Variants in TMEM132D observed in about 807,000 individuals in gnomAD.
TMEM132D encodes the protein mature OL transmembrane protein.
In TMEM132D, 21 loss-of-function variants were observed where a neutral mutation model predicts 62.3. The ratio of observed to expected loss-of-function variants is 0.34; its 90% confidence interval spans 0.24 to 0.49. The LOEUF is 0.49. Among genes scored for constraint, TMEM132D ranks in the 20% least tolerant of loss-of-function variants. The pLI, the probability that TMEM132D is intolerant of heterozygous loss-of-function variation, is 0.99. For missense variants in TMEM132D, 1,346 were observed against 1,402.8 expected, an observed-to-expected ratio of 0.96 and a Z score of 0.65; for synonymous variants, 621 against 575.6, an observed-to-expected ratio of 1.08 and a Z score of -1.13.
chr12:129,139,197 G>T (rs970718175), intron 5 of TMEM132D, among the ~76,000 whole-genome samples: 8 of 152,096 alleles, frequency 5.3e-5, no homozygotes, highest in African/African-American at 1.9e-4. Context: ...AGCAAGTGAT[G>T]GGCTGCCTGA....
At chr12:129,592,651 A>G (rs1208467862) in intron 2 of TMEM132D, among the ~76,000 whole-genome samples, 9 of 152,240 alleles carry the variant, frequency 5.9e-5, no homozygotes, top group Non-Finnish European at 1.0e-4. Flanking sequence ...TACATATTCA[A>G]AAGAATGAGC....
chr12:129,729,533 T>A (rs1468680237), intron 1 of TMEM132D, among the ~76,000 whole-genome samples: 1 of 151,982 alleles, frequency 6.6e-6, no homozygotes, highest in Non-Finnish European at 1.5e-5. Flanking sequence ...TGGAATACCT[T>A]TTTTTCTTTC....
chr12:129,863,507 T>G (rs1873963012), intron 1 of TMEM132D, among the ~76,000 whole-genome samples: 1 of 152,234 alleles, frequency 6.6e-6, no homozygotes, highest in South Asian at 2.1e-4. Context: ...TTCTACCTTA[T>G]AATGATGCTT....
intron 3 of TMEM132D, among the ~76,000 whole-genome samples, chr12:129,454,104 A>G (rs1873387277): frequency 6.6e-6 from 1 of 152,242 alleles, no homozygotes; most frequent in Non-Finnish European, 1.5e-5. Context: ...CCTTCTGCCC[A>G]GAATTTAATT....
intron 3 of TMEM132D, among the ~76,000 whole-genome samples, chr12:129,466,279 C>CT (rs551019541): frequency 2.0e-5 from 2 of 100,394 alleles, no homozygotes; most frequent in African/African-American, 7.6e-5. Context: ...TAGATTTTTC[C>CT]TTTTTTTTTT....
At chr12:129,464,106 T>G in intron 3 of TMEM132D, among the ~76,000 whole-genome samples, 1 of 149,554 alleles carries the variant, frequency 6.7e-6, no homozygotes, top group Non-Finnish European at 1.5e-5. Context: ...GTAAAAGTGT[T>G]CCTATTTCTC....
chr12:129,432,287 A>T (rs1291734019), intron 3 of TMEM132D, among the ~76,000 whole-genome samples: 1 of 34,334 alleles, frequency 2.9e-5, no homozygotes, highest in Non-Finnish European at 5.4e-5. Context: ...CAATGGATGG[A>T]TGCTTGGATG....
intron 4 of TMEM132D, among the ~76,000 whole-genome samples, chr12:129,216,999 TTG>T (rs1879223638): frequency 6.6e-6 from 1 of 152,128 alleles, no homozygotes; most frequent in Admixed American, 6.6e-5. Context: ...ACATTTTTTG[TTG>T]TTGTTGTTGT....
At chr12:129,218,855 G>C (rs1221012882) in intron 4 of TMEM132D, among the ~76,000 whole-genome samples, 34 of 152,146 alleles carry the variant, frequency 2.2e-4, no homozygotes, top group Admixed American at 2.2e-3. Flanking sequence ...TAAGCAGCAG[G>C]AGACAGTGAC....
At chr12:129,429,873 G>T (rs11060339) in intron 3 of TMEM132D, among the ~76,000 whole-genome samples, 1 of 151,098 alleles carries the variant, frequency 6.6e-6, no homozygotes, top group Admixed American at 6.6e-5. Flanking sequence ...GAGAATGATG[G>T]TTTCCAGCTT....
intron 5 of TMEM132D, among the ~76,000 whole-genome samples, chr12:129,183,580 C>T (rs998448389): frequency 3.9e-5 from 6 of 152,198 alleles, no homozygotes; most frequent in South Asian, 2.1e-4. Context: ...TTCAGCCACA[C>T]GGGACTTGTT....
At chr12:129,442,733 C>T (rs1872976962) in intron 3 of TMEM132D, among the ~76,000 whole-genome samples, 1 of 152,124 alleles carries the variant, frequency 6.6e-6, no homozygotes, top group Non-Finnish European at 1.5e-5. Context: ...TCATGTAAGT[C>T]ATACTTGGGT....
intron 1 of TMEM132D, among the ~76,000 whole-genome samples, chr12:129,792,860 T>C (rs1307953562): frequency 6.6e-6 from 1 of 152,120 alleles, no homozygotes; most frequent in African/African-American, 2.4e-5. Context: ...TGAATTTCCA[T>C]TTAGGTGGTA....
intron 2 of TMEM132D, among the ~76,000 whole-genome samples, chr12:129,567,861 C>T (rs2137117448): frequency 6.6e-6 from 1 of 152,204 alleles, no homozygotes; most frequent in African/African-American, 2.4e-5. Flanking sequence ...TAGTTCTGAA[C>T]AGAATAAAAG....
At chr12:129,642,920 C>CTTTTTTTTT (rs71082742) in intron 2 of TMEM132D, among the ~76,000 whole-genome samples, 2 of 105,556 alleles carry the variant, frequency 1.9e-5, no homozygotes, top group Non-Finnish European at 3.6e-5. Context: ...ATTTACAAAT[C>CTTTTTTTTT]TTTTTTTTTT....
At chr12:129,313,411 T>C (rs1882028987) in intron 4 of TMEM132D, among the ~76,000 whole-genome samples, 2 of 152,172 alleles carry the variant, frequency 1.3e-5, no homozygotes, top group Admixed American at 6.5e-5. Flanking sequence ...AGTGAGGACA[T>C]ACAATGTTTG....
chr12:129,786,140 C>T (rs1871242238), intron 1 of TMEM132D, among the ~76,000 whole-genome samples: 1 of 152,120 alleles, frequency 6.6e-6, no homozygotes, highest in Non-Finnish European at 1.5e-5. Context: ...TCCACCACTC[C>T]CTCTTCCTCT....
intron 2 of TMEM132D, among the ~76,000 whole-genome samples, chr12:129,563,729 G>T (rs953328215): frequency 6.6e-6 from 1 of 152,098 alleles, no homozygotes; most frequent in Non-Finnish European, 1.5e-5. Context: ...ACAAGAGGGA[G>T]GGTCAACCCA....
chr12:129,898,936 A>G (rs1875240141), intron 1 of TMEM132D, among the ~76,000 whole-genome samples: 1 of 152,240 alleles, frequency 6.6e-6, no homozygotes, highest in African/African-American at 2.4e-5. Context: ...TACAACTTAA[A>G]GCAACGGAGT....
Sources: allele counts gnomAD v4.1 joint callset (sites outside exome capture counted in the v4.1 genomes callset), GRCh38; gene constraint gnomAD v4.1.1; transcripts MANE v1.5; gene names NCBI Gene and HGNC (gene_info 2026-07-23, HGNC 2026-07-21).